MALRD1: variants seen among roughly 807,000 people sequenced by gnomAD.
MALRD1 encodes MAM and LDL-receptor class A domain-containing protein 1.
Under a neutral mutation model 242.1 loss-of-function variants are expected in MALRD1, and 247 were observed. The ratio of observed to expected loss-of-function variants is 1.02; its 90% CI spans 0.92 to 1.13. The LOEUF is 1.13. Among genes scored for constraint, MALRD1 ranks in the 50% most tolerant of loss-of-function variants. MALRD1 has a pLI of 0.00. For missense variants in MALRD1, 2,989 were observed against 2,533.1 expected (o/e 1.18, Z -3.86); for synonymous variants, 995 against 866.6 (o/e 1.15, Z -2.60).
chr10:19,289,081 T>G (rs532034599), intron 21 of MALRD1, among the ~76,000 whole-genome samples: 16 of 152,230 alleles, frequency 1.1e-4, no homozygotes, highest in Non-Finnish European at 1.9e-4. Flanking sequence ...TTTCTTTAAT[T>G]TTTTTCCTTG....
At chr10:19,075,026 G>C (rs1835274350) in intron 2 of MALRD1, among the ~76,000 whole-genome samples, 1 of 151,996 alleles carries the variant, frequency 6.6e-6, no homozygotes, top group African/African-American at 2.4e-5. Flanking sequence ...ATACCCAGTA[G>C]ATGTCAATTT....
chr10:19,356,757 G>C (rs1564590325), intron 26 of MALRD1, among the ~76,000 whole-genome samples: 1 of 152,046 alleles, frequency 6.6e-6, no homozygotes, highest in Non-Finnish European at 1.5e-5. Flanking sequence ...TCCATTAGTT[G>C]ATGTGATATT....
At chr10:19,316,104 G>C (rs1842695146) in intron 21 of MALRD1, among the ~76,000 whole-genome samples, 1 of 149,426 alleles carries the variant, frequency 6.7e-6, no homozygotes, top group African/African-American at 2.4e-5. Context: ...AAACTCCTTA[G>C]TAAATTTAAG....
At chr10:19,421,633 C>T (rs1414808337) in intron 28 of MALRD1, among the ~76,000 whole-genome samples, 1 of 152,168 alleles carries the variant, frequency 6.6e-6, no homozygotes, top group African/African-American at 2.4e-5. Flanking sequence ...TAATTAATGG[C>T]TGCACTAGTC....
At chr10:19,505,067 C>T (rs901004472) in intron 31 of MALRD1, among the ~76,000 whole-genome samples, 7 of 151,770 alleles carry the variant, frequency 4.6e-5, no homozygotes, top group African/African-American at 1.5e-4. Context: ...GAGGGAGGAG[C>T]TGGGGCAGAA....
intron 21 of MALRD1, among the ~76,000 whole-genome samples, chr10:19,286,590 G>C (rs1487345969): frequency 1.3e-5 from 2 of 151,900 alleles, no homozygotes; most frequent in African/African-American, 4.8e-5. Context: ...TACATTCCTC[G>C]ACACATACAC....
At chr10:19,495,609 C>T (rs1837679148) in intron 30 of MALRD1, among the ~76,000 whole-genome samples, 1 of 152,106 alleles carries the variant, frequency 6.6e-6, no homozygotes, top group South Asian at 2.1e-4. Context: ...CCATCACCAG[C>T]CACTACAAAA....
intron 8 of MALRD1, among the ~76,000 whole-genome samples, chr10:19,133,540 T>G (rs1833196155): frequency 6.6e-6 from 1 of 152,206 alleles, no homozygotes; most frequent in African/African-American, 2.4e-5. Context: ...TTTTAATTGC[T>G]GATCTTATTA....
intron 38 of MALRD1, among the ~76,000 whole-genome samples, chr10:19,718,662 A>G (rs764628368): frequency 2.6e-5 from 4 of 152,194 alleles, no homozygotes; most frequent in Non-Finnish European, 5.9e-5. Flanking sequence ...ACCACTAAAC[A>G]TTCTTTAAAG....
At chr10:19,242,506 T>C (rs1245435984) in intron 18 of MALRD1, among the ~76,000 whole-genome samples, 1 of 152,172 alleles carries the variant, frequency 6.6e-6, no homozygotes, top group African/African-American at 2.4e-5. Context: ...TGTCCATTTT[T>C]AAAGTGGAGT....
chr10:19,709,952 T>C (rs1266748682), intron 38 of MALRD1, among the ~76,000 whole-genome samples: 1 of 152,058 alleles, frequency 6.6e-6, no homozygotes, highest in Non-Finnish European at 1.5e-5. Flanking sequence ...CCCTAACACA[T>C]TGTGGGAATT....
In MALRD1 at chr10:19,352,044, G is replaced by T; in HGVS notation, c.4188G>T (p.Gly1396=). The change falls in exon 26 of 40, where the codon GGG becomes GGT. Residue 1396 remains glycine, a synonymous_variant. Coordinates refer to ENST00000454679, the MANE Select transcript of MALRD1 (RefSeq NM_001142308.3). The part of the protein sequence containing the change: ...FHYHMYGNGI[G]ALTLMQVSVT... ...ATCACATGTATGGAAATGGCATTGG[G>T]GCACTCACCTTAATGCAGGTGTCAG... 1.9e-6 allele frequency: 3 copies of T among 1,550,174 alleles called. No individual in the cohort carries two copies. The highest frequency in any genetic ancestry group is 2.6e-6 in the Non-Finnish European group (3 of 1,146,714).
At chr10:19,435,104 T>G (rs1326106460) in intron 28 of MALRD1, among the ~76,000 whole-genome samples, 1 of 149,760 alleles carries the variant, frequency 6.7e-6, no homozygotes, top group Non-Finnish European at 1.5e-5. Flanking sequence ...GTGGGAATTA[T>G]ACAAAAATAT....
At chr10:19,447,772 C>T (rs1364017094) in intron 28 of MALRD1, among the ~76,000 whole-genome samples, 2 of 152,134 alleles carry the variant, frequency 1.3e-5, no homozygotes, top group South Asian at 2.1e-4. Context: ...TTTAATTAAC[C>T]ATCCCTTTGA....
At chr10:19,652,418 A>G (rs763536112) in intron 36 of MALRD1, among the ~76,000 whole-genome samples, 21 of 152,250 alleles carry the variant, frequency 1.4e-4, no homozygotes, top group Admixed American at 7.9e-4. Flanking sequence ...TGAGAGAGGC[A>G]TGGAAGGTGA....
At chr10:19,109,720 A>C (rs1022047468) in intron 5 of MALRD1, among the ~76,000 whole-genome samples, 3 of 152,232 alleles carry the variant, frequency 2.0e-5, no homozygotes, top group Non-Finnish European at 4.4e-5. Context: ...ACTGGATCCC[A>C]GAGAAAGATG....
At chr10:19,391,562 C>A (rs2130821438) in intron 28 of MALRD1, among the ~76,000 whole-genome samples, 1 of 152,260 alleles carries the variant, frequency 6.6e-6, no homozygotes, top group African/African-American at 2.4e-5. Flanking sequence ...ACATTCGCTC[C>A]CTCTGGCTTG....
intron 14 of MALRD1, among the ~76,000 whole-genome samples, chr10:19,179,264 A>G (rs544196912): frequency 2.0e-5 from 3 of 152,224 alleles, no homozygotes; most frequent in Admixed American, 6.5e-5. Context: ...ATACATTTTC[A>G]GTCAAACAAG....
At chr10:19,717,971 T>C (rs1589437925) in intron 38 of MALRD1, among the ~76,000 whole-genome samples, 1 of 151,386 alleles carries the variant, frequency 6.6e-6, no homozygotes, top group East Asian at 1.9e-4. Flanking sequence ...GAGCCAATAT[T>C]GCGCCACTGC....
Sources: allele counts gnomAD v4.1 joint callset (sites outside exome capture counted in the v4.1 genomes callset), GRCh38; gene constraint gnomAD v4.1.1; transcripts MANE v1.5; gene names NCBI Gene and HGNC (gene_info 2026-07-23, HGNC 2026-07-21).